Variants in CDH4 observed in about 807,000 individuals in gnomAD.
The protein encoded by CDH4 is cadherin-4.
In CDH4, 33 loss-of-function variants were observed where a neutral mutation model predicts 86.0. The observed-to-expected ratio is 0.38, with a 90% confidence interval of 0.29 to 0.51. The LOEUF (loss-of-function observed/expected upper bound fraction) is 0.51. CDH4 is among the 20% of genes least tolerant of loss of function. The pLI is 0.86. For synonymous variants in CDH4, 555 were observed against 549.4 expected (o/e 1.01, Z -0.14); for missense variants, 1,114 against 1,307.4 (o/e 0.85, Z 2.28).
intron 2 of CDH4, among the ~76,000 whole-genome samples, chr20:61,591,613 A>C (rs759407587): frequency 2.0e-5 from 3 of 152,242 alleles, no homozygotes; most frequent in Non-Finnish European, 2.9e-5. Flanking sequence ...AAAGTCAACA[A>C]GAGGCAGTTT....
At chr20:61,253,921 C>T (rs1239428958) in intron 1 of CDH4, among the ~76,000 whole-genome samples, 2 of 152,212 alleles carry the variant, frequency 1.3e-5, no homozygotes, top group Non-Finnish European at 2.9e-5. Context: ...AGCCAAGCAC[C>T]GCTGTGCTCC....
chr20:61,461,093 T>C (rs571276087), intron 2 of CDH4, among the ~76,000 whole-genome samples: 1 of 152,222 alleles, frequency 6.6e-6, no homozygotes, highest in East Asian at 1.9e-4. Context: ...GAAACACTGA[T>C]CTAAATTTGA....
intron 2 of CDH4, among the ~76,000 whole-genome samples, chr20:61,593,015 G>C (rs753037419): frequency 6.6e-6 from 1 of 152,104 alleles, no homozygotes; most frequent in Non-Finnish European, 1.5e-5. Flanking sequence ...GGGGCAGGAG[G>C]GTCAGGTCAG....
rs2084378902 is a variant in CDH4 at position 61,300,258 on chromosome 20, C to T, written c.169+45321C>T. Among the ~76,000 whole-genome samples the T allele has an allele frequency of 5.3e-5, 8 of 151,974 alleles. No homozygotes were observed. In the South Asian group the frequency reaches 1.7e-3, roughly 32 times the overall value. ...GTGGGTCTGAGGCCGGGGCAATCGG[C>T]GGGTAAAGGGATATTAAGGGAACAC... On this transcript the variant is annotated intron_variant, in intron 2 of 15. Transcript: ENST00000614565.
At chr20:61,757,061 G>C (rs902295877) in intron 3 of CDH4, among the ~76,000 whole-genome samples, 2 of 152,242 alleles carry the variant, frequency 1.3e-5, no homozygotes, top group Admixed American at 1.3e-4. Flanking sequence ...TCCTGGCTTT[G>C]TTTTGAAGAT....
At chr20:61,318,598 A>G (rs528333630) in intron 2 of CDH4, among the ~76,000 whole-genome samples, 3 of 152,354 alleles carry the variant, frequency 2.0e-5, no homozygotes, top group Non-Finnish European at 4.4e-5. Context: ...ACCATGGTCC[A>G]GAAGGCCTGG....
chr20:61,345,581 T>G (rs552190121), intron 2 of CDH4, among the ~76,000 whole-genome samples: 2 of 152,332 alleles, frequency 1.3e-5, no homozygotes, highest in African/African-American at 4.8e-5. Flanking sequence ...CCTGGGACAC[T>G]CCTCACGATG....
chr20:61,788,874 C>A (rs1020396730), intron 4 of CDH4, among the ~76,000 whole-genome samples: 5 of 152,202 alleles, frequency 3.3e-5, no homozygotes, highest in African/African-American at 1.2e-4. Context: ...TCTTGGAAAT[C>A]AACCTGTCCA....
In CDH4 at chr20:61,771,132, T is replaced by A. The variant is rs1325578859; in HGVS notation, c.397-1871T>A. 2.7e-5 allele frequency among the ~76,000 whole-genome samples: 4 copies of A among 149,860 alleles called. No individual in the cohort carries two copies. The East Asian group carries it at 8.6e-4, about 32-fold the overall frequency. ...TTCAAGTGATTCTCCGGTGTCAGCC[T>A]CCTAAGTAACTGGGACTACAGGCAT... On this transcript the variant is annotated intron_variant, in intron 3 of 15. Coordinates refer to ENST00000614565, the MANE Select transcript of CDH4 (RefSeq NM_001794.5).
intron 2 of CDH4, among the ~76,000 whole-genome samples, chr20:61,586,493 G>T (rs1006045133): frequency 1.3e-5 from 2 of 152,162 alleles, no homozygotes; most frequent in Non-Finnish European, 2.9e-5. Context: ...AGTGCCTGAG[G>T]GGGTGTTAAG....
intron 2 of CDH4, among the ~76,000 whole-genome samples, chr20:61,597,655 G>A (rs2086566766): frequency 6.6e-6 from 1 of 152,166 alleles, no homozygotes; most frequent in African/African-American, 2.4e-5. Flanking sequence ...GCCCAAACAG[G>A]ACAGGCAGGG....
At chr20:61,843,286 T>C (rs1261895713) in intron 4 of CDH4, among the ~76,000 whole-genome samples, 3 of 150,680 alleles carry the variant, frequency 2.0e-5, no homozygotes, top group Non-Finnish European at 4.4e-5. Flanking sequence ...CCGTCTCTAC[T>C]AAAAATACAA....
chr20:61,661,088 G>GGT (rs1555821306), intron 2 of CDH4, among the ~76,000 whole-genome samples: 1 of 144,660 alleles, frequency 6.9e-6, no homozygotes, highest in African/African-American at 2.6e-5. Context: ...GCATGGCGGG[G>GGT]GGGGGGGAGA....
At chr20:61,759,524 C>T (rs1040083652) in intron 3 of CDH4, among the ~76,000 whole-genome samples, 3 of 152,250 alleles carry the variant, frequency 2.0e-5, no homozygotes, top group African/African-American at 7.2e-5. Flanking sequence ...AACGTCTTCC[C>T]GAATCACACA....
chr20:61,904,644 C>T (rs190201142), intron 8 of CDH4, among the ~76,000 whole-genome samples: 22 of 152,378 alleles, frequency 1.4e-4, no homozygotes, highest in South Asian at 8.3e-4. Context: ...TCCGACCCCA[C>T]AGCCTCCTGA....
At chr20:61,447,323 A>ATTTTTTTTTTTTTTTTTT (rs71331923) in intron 2 of CDH4, among the ~76,000 whole-genome samples, 3 of 110,858 alleles carry the variant, frequency 2.7e-5, no homozygotes, top group Non-Finnish European at 1.8e-5. Flanking sequence ...CGCCCAGCTG[A>ATTTTTTTTTTTTTTTTTT]TTTTTTTTTT....
At chr20:61,852,959 C>G in intron 6 of CDH4, 61 bp downstream of exon 6, 1 of 1,558,882 alleles carries the variant, frequency 6.4e-7, no homozygotes, top group South Asian at 1.2e-5. Context: ...CAGCACAGGC[C>G]CTGAGGGCAG....
At chr20:61,578,927 C>G (rs193165930) in intron 2 of CDH4, among the ~76,000 whole-genome samples, 1 of 152,296 alleles carries the variant, frequency 6.6e-6, no homozygotes, top group Non-Finnish European at 1.5e-5. Flanking sequence ...TCTTTCTCAT[C>G]CATTCGGTCT....
At chr20:61,439,590 A>C (rs557461123) in intron 2 of CDH4, among the ~76,000 whole-genome samples, 2 of 152,358 alleles carry the variant, frequency 1.3e-5, no homozygotes, top group East Asian at 3.9e-4. Flanking sequence ...AGATGTCCCC[A>C]CAGGGAGCAT....
Sources: allele counts gnomAD v4.1 joint callset (sites outside exome capture counted in the v4.1 genomes callset), GRCh38; gene constraint gnomAD v4.1.1; transcripts MANE v1.5; gene names NCBI Gene and HGNC (gene_info 2026-07-23, HGNC 2026-07-21).